The following ARID3A variants were observed in gnomAD, a reference collection of about 807,000 sequenced individuals.
ARID3A encodes AT-rich interaction domain 3A, also known as AT-rich interactive domain-containing protein 3A.
ARID3A carries 11 observed loss-of-function variants against 52.7 expected under a neutral mutation model. The ratio of observed to expected loss-of-function variants is 0.21; its 90% CI spans 0.13 to 0.35. ARID3A has a LOEUF of 0.35. Ranked by LOEUF, ARID3A falls within the 10% of genes least tolerant of loss-of-function variation. ARID3A has a pLI of 1.00. For missense variants in ARID3A, 721 were observed against 838.5 expected, an observed-to-expected ratio of 0.86 and a Z score of 1.73; for synonymous variants, 404 against 359.4, an observed-to-expected ratio of 1.12 and a Z score of -1.40.
intron 3 of ARID3A, among the ~76,000 whole-genome samples, chr19:940,591 A>G (rs1421968103): frequency 6.6e-6 from 1 of 151,848 alleles, no homozygotes; most frequent in African/African-American, 2.4e-5. Context: ...AAGGAGGAGA[A>G]TTTTCCCAGC....
Position 967,272 on chromosome 19 carries a change from T to C in ARID3A, c.1495+404T>C, listed in dbSNP as rs182975187. On this transcript the variant is annotated intron_variant, in intron 7 of 8. Transcript: ENST00000263620. ...AAACTCCATCTCAAAAAATAAAAAATAATAAAGTAAACTGGCTGGGCACCG... is the reference window on the plus strand; with the variant it reads ...AAACTCCATCTCAAAAAATAAAAAACAATAAAGTAAACTGGCTGGGCACCG... Among the ~76,000 whole-genome samples, 568 of 150,522 alleles carry C rather than the reference T, an allele frequency of 3.8e-3. 4 individuals carry two copies. The highest frequency in any genetic ancestry group is 0.013 in the African/African-American group (539 of 40,856).
At chr19:962,272 C>G (rs998894854) in intron 4 of ARID3A, among the ~76,000 whole-genome samples, 1 of 152,020 alleles carries the variant, frequency 6.6e-6, no homozygotes, top group African/African-American at 2.4e-5. Flanking sequence ...AAAACTCTAA[C>G]TAAATTTCTC....
intron 3 of ARID3A, among the ~76,000 whole-genome samples, chr19:958,317 C>G (rs2037964252): frequency 6.7e-6 from 1 of 148,940 alleles, no homozygotes; most frequent in South Asian, 2.1e-4. Flanking sequence ...GTCCCAGCTA[C>G]TCCAAGAGGC....
chr19:932,422 C>T lies in ARID3A; in HGVS notation c.373C>T (p.Pro125Ser). ...CCTGCCCTCTGCTCACCCCAGGAAG[C>T]CCAAATGGGAGGAGGAGGAGATGGA... is the stretch of plus-strand genomic sequence containing the variant. ...EDMASDEDMK[P>S]KWEEEEMEED... The change falls in exon 3 of 9, where the codon CCC becomes TCC. Residue 125 changes from proline (P) to serine (S), a missense_variant. Around this residue, in one of 5 missense-constraint regions of ARID3A, gnomAD observed 349 missense variants for 297.3 expected, o/e 1.17. Coordinates refer to ENST00000263620, the MANE Select transcript of ARID3A (RefSeq NM_005224.3). The T allele has an allele frequency of 1.9e-6, 3 of 1,593,882 alleles. No individual in the cohort carries two copies. The highest frequency in any genetic ancestry group is 2.7e-5 in the African/African-American group (2 of 72,970).
Position 944,073 on chromosome 19 carries a change from C to A in ARID3A, c.693+11331C>A, listed in dbSNP as rs1344051298. 1.4e-4 allele frequency among the ~76,000 whole-genome samples: 21 copies of A among 151,432 alleles called. No homozygotes were observed. The highest frequency in any genetic ancestry group is 9.8e-4 in the East Asian group (5 of 5,122). On this transcript the variant is annotated intron_variant, in intron 3 of 8. Coordinates refer to ENST00000263620, the MANE Select transcript of ARID3A (RefSeq NM_005224.3). This position sits in a 1 kb window ranked among gnomAD's most constrained non-coding sequence, Gnocchi z 5.9. ...CACTTACGGGGCATCTGTATGCCAG[C>A]CCGACCCTCTCATGGGCACCTACAG...
Position 941,083 on chromosome 19 carries a change from C to A in ARID3A, c.693+8341C>A, listed in dbSNP as rs2037540924. 6.6e-6 allele frequency among the ~76,000 whole-genome samples: 1 copy of A among 152,110 alleles called. No homozygotes were observed. Among genetic ancestry groups the A allele is most frequent in the Non-Finnish European group, 1.5e-5 (1 of 67,990 alleles). On this transcript the variant is annotated intron_variant, in intron 3 of 8. Coordinates refer to ENST00000263620, the MANE Select transcript of ARID3A (RefSeq NM_005224.3). This position sits in a 1 kb window ranked among gnomAD's most constrained non-coding sequence, Gnocchi z 6.9. ...CCGCCGCGGCCTGGCCCCACGCCCA[C>A]CGCCGGCGTCCCACCCTGGTGGCTG...
intron 4 of ARID3A, among the ~76,000 whole-genome samples, chr19:962,811 G>A (rs964332758): frequency 1.3e-5 from 2 of 152,250 alleles, no homozygotes; most frequent in South Asian, 2.1e-4. Context: ...CACCGCGCCC[G>A]GCCTGATGCC....
rs552779877 is a variant in ARID3A, at chr19:971,949, G to GGCA, written c.1676_1678dup (p.Ser559dup). On this transcript the variant is annotated inframe_insertion, in exon 9 of 9. Coordinates refer to ENST00000263620, the MANE Select transcript of ARID3A (RefSeq NM_005224.3). The stretch of plus-strand genomic sequence containing the variant: ...CAACAAAGGAGGCGGCGGCGGCGGC[G>GGCA]GCAGCAGCAGCAACGCAGGCGGCCG... 16,935 of 1,580,792 alleles carry GGCA rather than the reference G, an allele frequency of 0.011. 582 individuals are homozygous for GGCA. In the African/African-American group the frequency reaches 0.12, roughly 11 times the overall value.
At chr19:955,931 G>GC (rs2037907503) in intron 3 of ARID3A, among the ~76,000 whole-genome samples, 1 of 152,126 alleles carries the variant, frequency 6.6e-6, no homozygotes, top group African/African-American at 2.4e-5. Flanking sequence ...CGTCCGCAGG[G>GC]CTGCGCTCCC....
chr19:953,481 C>G (rs1283382535), intron 3 of ARID3A, among the ~76,000 whole-genome samples: 1 of 132,192 alleles, frequency 7.6e-6, no homozygotes, highest in Non-Finnish European at 1.5e-5. Context: ...CCACACCCCC[C>G]CCCGTGCAGA....
At chr19:970,593 G>T (rs191841959) in intron 8 of ARID3A, among the ~76,000 whole-genome samples, 1 of 127,252 alleles carries the variant, frequency 7.9e-6, no homozygotes, top group East Asian at 2.5e-4. Flanking sequence ...TGCAACCTCC[G>T]CCTCCTGAGT....
At chr19:953,743 C>T (rs1219861233) in intron 3 of ARID3A, among the ~76,000 whole-genome samples, 3 of 151,618 alleles carry the variant, frequency 2.0e-5, no homozygotes, top group Non-Finnish European at 2.9e-5. Context: ...AACAGCGCCG[C>T]GGAGGCCCTG....
intron 6 of ARID3A, chr19:965,414 G>A (rs949386758): frequency 7.5e-6 from 2 of 268,028 alleles, no homozygotes; most frequent in African/African-American, 4.4e-5. Context: ...CTCCCACTGA[G>A]CCTCTGAATC....
rs1408886070 is a variant in ARID3A, at chr19:932,463, G to A, written c.414G>A (p.Glu138=). The change falls in exon 3 of 9, where the codon GAG becomes GAA. Residue 138 remains glutamate (E), a synonymous_variant. Coordinates refer to ENST00000263620, the MANE Select transcript of ARID3A (RefSeq NM_005224.3). ...EEEEMEEDLG[E]DEEEEEEDYE... The stretch of plus-strand genomic sequence containing the variant: ...AGGAGATGGAGGAAGACCTCGGGGA[G>A]GATGAGGAGGAGGAGGAGGAGGATT... The A allele has an allele frequency of 6.3e-7, 1 of 1,585,114 alleles. No homozygotes were observed. Among genetic ancestry groups the A allele is most frequent in the Non-Finnish European group, 8.5e-7 (1 of 1,172,266 alleles).
At chr19:955,022 G>A (rs1031214511) in intron 3 of ARID3A, among the ~76,000 whole-genome samples, 2 of 152,306 alleles carry the variant, frequency 1.3e-5, no homozygotes, top group African/African-American at 4.8e-5. Flanking sequence ...GCTCCTGTGG[G>A]TGTGTGGTGG....
At position 944,738 on chromosome 19, in the gene ARID3A, G is replaced by C. The variant is rs950307104; in HGVS notation, c.693+11996G>C. On this transcript the variant is annotated intron_variant, in intron 3 of 8. Transcript: ENST00000263620. The surrounding 1 kb of genome is among the most constrained non-coding windows in gnomAD (Gnocchi z 5.9). ...CCTCCCGGGCTCCGGTGATCTTCCC[G>C]TGTCAGCCTCCTGAGTAGCTGGGAC... 2.0e-5 allele frequency among the ~76,000 whole-genome samples: 3 copies of C among 152,146 alleles called. No individual in the cohort carries two copies. Among genetic ancestry groups the C allele is most frequent in the Non-Finnish European group, 4.4e-5 (3 of 68,026 alleles).
upstream of ARID3A, chr19:925,953 T>G (rs1463679622): frequency 7.7e-6 from 1 of 129,054 alleles, no homozygotes; most frequent in African/African-American, 3.0e-5. Context: ...CGTCCCCTGG[T>G]GATTTGTCTG....
chr19:962,511 T>C (rs1402093434), intron 4 of ARID3A, among the ~76,000 whole-genome samples: 1 of 93,272 alleles, frequency 1.1e-5, no homozygotes, highest in Non-Finnish European at 2.3e-5. Context: ...CTGCTGCTGA[T>C]CCTTTTTTTT....
chr19:954,216 G>A (rs1249369024), intron 3 of ARID3A, among the ~76,000 whole-genome samples: 1 of 152,216 alleles, frequency 6.6e-6, no homozygotes, highest in Non-Finnish European at 1.5e-5. Context: ...GGAAGGGTCT[G>A]GCAGGAGGGG....
Sources: gnomAD v4.1 joint callset for allele counts (sites outside exome capture counted in the v4.1 genomes callset) on GRCh38, gnomAD v4.1.1 for gene constraint, gnomAD v4.1.1 regional missense constraint, Gnocchi (gnomAD v3.1) non-coding constraint, MANE v1.5 for transcripts, NCBI Gene and HGNC (gene_info 2026-07-23, HGNC 2026-07-21) for gene names.